Variants in RGS22 observed in about 807,000 individuals in gnomAD.
RGS22 encodes regulator of G protein signaling 22, also known as regulator of G-protein signaling 22.
Under a neutral mutation model 172.9 loss-of-function variants are expected in RGS22, and 148 were observed. The ratio of observed to expected loss-of-function variants is 0.86; its 90% confidence interval spans 0.75 to 0.98. The LOEUF (loss-of-function observed/expected upper bound fraction) is 0.98, where lower values mean the gene tolerates loss of function less well. Among genes scored for constraint, RGS22 ranks in the 50% least tolerant of loss-of-function variants. RGS22 has a pLI of 0.00. For missense variants in RGS22, 1,347 were observed against 1,440.8 expected, an observed-to-expected ratio of 0.93 and a Z score of 1.05; for synonymous variants, 458 against 480.2, an observed-to-expected ratio of 0.95 and a Z score of 0.60.
intron 23 of RGS22, among the ~76,000 whole-genome samples, chr8:99,967,345 TG>T (rs981825713): frequency 6.6e-6 from 1 of 151,888 alleles, no homozygotes; most frequent in South Asian, 2.1e-4. Context: ...TTTTTTTTTT[TG>T]TACCCCAGTG....
At chr8:100,073,955 A>G (rs1186106212) in intron 4 of RGS22, among the ~76,000 whole-genome samples, 2 of 152,216 alleles carry the variant, frequency 1.3e-5, no homozygotes, top group Non-Finnish European at 2.9e-5. Flanking sequence ...AACTAAATAC[A>G]AAGACCAAAA....
chr8:100,060,292 G>C (rs2446924), intron 9 of RGS22, among the ~76,000 whole-genome samples: 92,500 of 149,722 alleles, frequency 0.62, 28,828 homozygotes, highest in African/African-American at 0.67. Context: ...CACACTATGA[G>C]CACAAGGATT....
chr8:100,057,736 A>G (rs1461707992), intron 9 of RGS22, among the ~76,000 whole-genome samples: 2 of 152,064 alleles, frequency 1.3e-5, no homozygotes, highest in Non-Finnish European at 2.9e-5. Context: ...TCTTTCCTTT[A>G]TATATTACTC....
chr8:100,059,874 TTTTC>T (rs1361424544), intron 9 of RGS22, among the ~76,000 whole-genome samples: 1 of 152,314 alleles, frequency 6.6e-6, no homozygotes, highest in Admixed American at 6.5e-5. Flanking sequence ...CTTTTTTAAT[TTTTC>T]TTTATTTTAA....
At position 99,992,299 on chromosome 8, in the gene RGS22, G is replaced by A. The variant is rs144218160; in HGVS notation, c.3018+4163C>T. On this transcript the variant is annotated intron_variant, in intron 20 of 27. Transcript: ENST00000360863. ...CTTAAATGTAAACAGGCTAAATGCC[G>A]CAATTAAAAGACACAAACTGGCAAA... Among the ~76,000 whole-genome samples the A allele has an allele frequency of 7.1e-3, 1,086 of 152,158 alleles. 16 individuals are homozygous for A. The highest frequency in any genetic ancestry group is 0.024 in the African/African-American group (1,006 of 41,512).
chr8:100,036,664 T>C (rs1292684669), intron 14 of RGS22, among the ~76,000 whole-genome samples: 3 of 152,134 alleles, frequency 2.0e-5, no homozygotes, highest in African/African-American at 7.2e-5. Context: ...GGTGGCGCAA[T>C]CATAGCTTAC....
chr8:100,099,214 C>CAGACT (rs1339505993), intron 2 of RGS22, among the ~76,000 whole-genome samples: 1 of 152,046 alleles, frequency 6.6e-6, no homozygotes, highest in Non-Finnish European at 1.5e-5. Context: ...GCGCCTGGCC[C>CAGACT]AGACTCCCTT....
intron 17 of RGS22, among the ~76,000 whole-genome samples, chr8:100,002,618 C>T (rs896776215): frequency 5.3e-5 from 8 of 152,152 alleles, no homozygotes; most frequent in African/African-American, 1.7e-4. Flanking sequence ...AAAAAAAATC[C>T]GTCACCATTA....
intron 2 of RGS22, among the ~76,000 whole-genome samples, chr8:100,102,022 A>G (rs931387864): frequency 6.6e-6 from 1 of 152,228 alleles, no homozygotes. Flanking sequence ...ACCATCCTCA[A>G]GATGCCACAT....
chr8:100,066,881 AATG>A (rs1810570496), intron 6 of RGS22, among the ~76,000 whole-genome samples: 1 of 152,154 alleles, frequency 6.6e-6, no homozygotes, highest in Non-Finnish European at 1.5e-5. Context: ...TCTGCCCCTG[AATG>A]GAGCATTCCA....
At position 99,978,025 on chromosome 8, in the gene RGS22, A is replaced by C. The variant is rs1812171291; in HGVS notation, c.3411T>G (p.Phe1137Leu). ...LFKFWPQFCEFRKNLTDENIM... is the reference protein window; with the variant it reads ...LFKFWPQFCELRKNLTDENIM... ...TATTTTCATCTGTTAAATTCTTCCT[A>C]AACTCACAGAACTGAGGCCAGAATT... is the stretch of plus-strand genomic sequence containing the variant. Residue 1137 changes from phenylalanine (F) to leucine (L), a missense_variant, in exon 23 of 28, where the codon TTT becomes TTG. By Grantham distance (22) the Phe-to-Leu change is conservative. Coordinates refer to ENST00000360863, the MANE Select transcript of RGS22 (RefSeq NM_015668.5). 2 of 1,547,582 alleles carry C rather than the reference A, an allele frequency of 1.3e-6. No homozygotes were observed. The highest frequency in any genetic ancestry group is 8.6e-7 in the Non-Finnish European group (1 of 1,157,216).
intron 23 of RGS22, among the ~76,000 whole-genome samples, chr8:99,973,129 A>G (rs1352398259): frequency 6.6e-6 from 1 of 152,214 alleles, no homozygotes; most frequent in East Asian, 1.9e-4. Flanking sequence ...ATCTCAAACC[A>G]GAAATACCAT....
Position 100,052,787 on chromosome 8 carries a change from G to C in RGS22, c.1689+15C>G, listed in dbSNP as rs1271226922. ...ACAAACTTAGTAGAGATCACAGCAT[G>C]AATGTACACCCTACCTGGATCTCAG... On this transcript the variant is annotated intron_variant, in intron 10 of 27. Coordinates refer to ENST00000360863, the MANE Select transcript of RGS22 (RefSeq NM_015668.5). The C allele has an allele frequency of 6.2e-7, 1 of 1,610,906 alleles. No homozygotes were observed. The highest frequency in any genetic ancestry group is 1.3e-5 in the African/African-American group (1 of 74,958).
At chr8:100,026,501 TAAATAGTAGAAGTCA>T (rs1375559820) in intron 14 of RGS22, among the ~76,000 whole-genome samples, 1 of 152,104 alleles carries the variant, frequency 6.6e-6, no homozygotes, top group Non-Finnish European at 1.5e-5. Flanking sequence ...AAACCCTGGG[TAAATAGTAGAAGTCA>T]CCAGGACTGA....
At chr8:99,981,502 G>C (rs1055684826) in intron 22 of RGS22, among the ~76,000 whole-genome samples, 2 of 152,058 alleles carry the variant, frequency 1.3e-5, no homozygotes, top group African/African-American at 4.8e-5. Context: ...GGTAACCATG[G>C]AAAGCCAAAA....
In RGS22 at chr8:99,999,982, T is replaced by C. The variant is rs138567255; in HGVS notation, c.2791-562A>G. 1.7e-3 allele frequency among the ~76,000 whole-genome samples: 265 copies of C among 152,302 alleles called. 1 individual carries two copies. Among genetic ancestry groups the C allele is most frequent in the African/African-American group, 5.8e-3 (243 of 41,572 alleles). On this transcript the variant is annotated intron_variant, in intron 18 of 27. Coordinates refer to ENST00000360863, the MANE Select transcript of RGS22 (RefSeq NM_015668.5). Reference sequence around the variant, plus strand: ...CAGTGCAGTTGTAGTGATAGCAATGTAGGGCTTTTCCAACAACCTCTAAGC... The same window carrying C: ...CAGTGCAGTTGTAGTGATAGCAATGCAGGGCTTTTCCAACAACCTCTAAGC...
intron 4 of RGS22, 104 bp from the exon 5 acceptor site, chr8:100,072,334 G>A (rs1343340409): frequency 8.1e-6 from 5 of 620,926 alleles, no homozygotes; most frequent in African/African-American, 1.9e-5. Flanking sequence ...CTGTCAGCAG[G>A]AGCCCTACCC....
intron 20 of RGS22, among the ~76,000 whole-genome samples, chr8:99,989,345 G>A (rs1203691123): frequency 6.6e-6 from 1 of 152,110 alleles, no homozygotes; most frequent in African/African-American, 2.4e-5. Context: ...TTTCTAGCCA[G>A]GTATTATATT....
At chr8:99,995,946 T>C (rs1814315209) in intron 20 of RGS22, among the ~76,000 whole-genome samples, 1 of 152,066 alleles carries the variant, frequency 6.6e-6, no homozygotes, top group Non-Finnish European at 1.5e-5. Context: ...AAAGGATGAG[T>C]TCATGTCCTT....
Sources: gnomAD v4.1 joint callset for allele counts (sites outside exome capture counted in the v4.1 genomes callset) on GRCh38, gnomAD v4.1.1 for gene constraint, MANE v1.5 for transcripts, NCBI Gene and HGNC (gene_info 2026-07-23, HGNC 2026-07-21) for gene names.